Variants in PARD3B observed in about 807,000 individuals in gnomAD.
The protein encoded by PARD3B is par-3 family cell polarity regulator beta, also known as partitioning defective 3 homolog B.
In PARD3B, 103 loss-of-function variants were observed where a neutral mutation model predicts 130.2. That is an observed-to-expected ratio of 0.79 (90% CI 0.67 to 0.93). The LOEUF is 0.93. PARD3B is among the 40% of genes least tolerant of loss of function. PARD3B has a pLI of 0.00. For synonymous variants in PARD3B, 583 were observed against 553.2 expected, an observed-to-expected ratio of 1.05 and a Z score of -0.76; for missense variants, 1,609 against 1,499.2, an observed-to-expected ratio of 1.07 and a Z score of -1.21.
intron 2 of PARD3B, among the ~76,000 whole-genome samples, chr2:204,687,191 G>T (rs2037126231): frequency 6.6e-6 from 1 of 152,086 alleles, no homozygotes; most frequent in African/African-American, 2.4e-5. Context: ...TTAAACTCAG[G>T]TGAAGTTTAT....
At chr2:205,211,834 C>G (rs538139359) in intron 15 of PARD3B, among the ~76,000 whole-genome samples, 1 of 152,158 alleles carries the variant, frequency 6.6e-6, no homozygotes, top group South Asian at 2.1e-4. Flanking sequence ...ATCCCCAGTC[C>G]CCAAACGCTT....
At chr2:205,484,243 C>A (rs2049353062) in intron 20 of PARD3B, among the ~76,000 whole-genome samples, 1 of 152,168 alleles carries the variant, frequency 6.6e-6, no homozygotes, top group Non-Finnish European at 1.5e-5. Flanking sequence ...TGGTACCTTT[C>A]ATCTGAAAAG....
intron 18 of PARD3B, among the ~76,000 whole-genome samples, chr2:205,349,939 A>T (rs1368543645): frequency 6.6e-6 from 1 of 152,062 alleles, no homozygotes; most frequent in East Asian, 1.9e-4. Flanking sequence ...GTAAACACAC[A>T]ATAAACAGGC....
At chr2:205,099,699 A>C (rs998353713) in intron 4 of PARD3B, among the ~76,000 whole-genome samples, 77 of 152,182 alleles carry the variant, frequency 5.1e-4, no homozygotes, top group African/African-American at 1.9e-3. Context: ...AATTGGCTTT[A>C]TGTCCTTATA....
chr2:205,555,134 T>TA (rs2052822596), intron 22 of PARD3B, among the ~76,000 whole-genome samples: 1 of 151,816 alleles, frequency 6.6e-6, no homozygotes, highest in African/African-American at 2.4e-5. Flanking sequence ...TGAGAGGGAG[T>TA]AAAAAAAGGA....
chr2:204,719,067 CAG>C (rs1287487027), intron 2 of PARD3B, among the ~76,000 whole-genome samples: 2 of 152,144 alleles, frequency 1.3e-5, no homozygotes, highest in Non-Finnish European at 2.9e-5. Flanking sequence ...TTAACCAAAA[CAG>C]ATAATTTTCT....
At chr2:204,583,599 C>T (rs1330101163) in intron 1 of PARD3B, among the ~76,000 whole-genome samples, 1 of 102,616 alleles carries the variant, frequency 9.7e-6, no homozygotes, top group Non-Finnish European at 1.8e-5. Flanking sequence ...ACAATGTGCA[C>T]ATGTACCCTA....
At chr2:204,807,211 T>A (rs1575033480) in intron 2 of PARD3B, among the ~76,000 whole-genome samples, 1 of 152,286 alleles carries the variant, frequency 6.6e-6, no homozygotes. Context: ...GTGGGGATTA[T>A]GGGAGCTACA....
rs1014577633 is a variant in PARD3B, at chr2:205,321,355, AG to A, written c.2630+19655del. ...GAAATAATTTTAGACTTACAGTAAA[AG>A]CTACAAAAAATAGCACAAAGAATTT... On this transcript the variant is annotated intron_variant, in intron 18 of 22. Transcript: ENST00000406610. The surrounding 1 kb of genome is among the most constrained non-coding windows in gnomAD (Gnocchi z 4.2). 9.2e-5 allele frequency among the ~76,000 whole-genome samples: 14 copies of A among 152,274 alleles called. No individual in the cohort carries two copies. The highest frequency in any genetic ancestry group is 3.4e-4 in the African/African-American group (14 of 41,560).
chr2:205,237,255 A>C (rs1193394565), intron 15 of PARD3B, among the ~76,000 whole-genome samples: 1 of 151,988 alleles, frequency 6.6e-6, no homozygotes, highest in Non-Finnish European at 1.5e-5. Flanking sequence ...CTGTACCACC[A>C]CGCCAGGCTA....
At chr2:204,800,426 G>A (rs1361432386) in intron 2 of PARD3B, among the ~76,000 whole-genome samples, 1 of 151,382 alleles carries the variant, frequency 6.6e-6, no homozygotes, top group African/African-American at 2.4e-5. Flanking sequence ...CAAAAAGTCA[G>A]TAGAGAGAGA....
chr2:204,812,294 G>A (rs1181905205), intron 2 of PARD3B, among the ~76,000 whole-genome samples: 1 of 152,142 alleles, frequency 6.6e-6, no homozygotes, highest in Non-Finnish European at 1.5e-5. Flanking sequence ...TGGGTCTGCA[G>A]CAGCTTGATT....
At chr2:204,970,711 T>C (rs969315934) in intron 3 of PARD3B, among the ~76,000 whole-genome samples, 13 of 152,266 alleles carry the variant, frequency 8.5e-5, no homozygotes, top group Admixed American at 5.9e-4. Flanking sequence ...TAAATTATTT[T>C]AGCAATGTAA....
chr2:204,662,882 G>A (rs2035874705), intron 1 of PARD3B, among the ~76,000 whole-genome samples: 1 of 152,072 alleles, frequency 6.6e-6, no homozygotes, highest in Non-Finnish European at 1.5e-5. Flanking sequence ...TGACCTTTTG[G>A]ACTTGAGACC....
chr2:205,178,844 T>C, intron 13 of PARD3B, among the ~76,000 whole-genome samples: 1 of 152,204 alleles, frequency 6.6e-6, no homozygotes, highest in East Asian at 1.9e-4. Context: ...TTAATGGAGC[T>C]GAAAAATTCC....
At chr2:205,206,442 C>A (rs60819889) in intron 15 of PARD3B, among the ~76,000 whole-genome samples, 23,313 of 148,938 alleles carry the variant, frequency 0.16, 2,110 homozygotes, top group African/African-American at 0.25. Flanking sequence ...GTTCAAGTCC[C>A]ACCTATGAGT....
At chr2:204,700,372 T>A (rs1316933143) in intron 2 of PARD3B, among the ~76,000 whole-genome samples, 1 of 152,140 alleles carries the variant, frequency 6.6e-6, no homozygotes, top group East Asian at 1.9e-4. Context: ...AATTTAATTT[T>A]GTACAGTGAA....
At chr2:205,385,533 A>C (rs998757070) in intron 18 of PARD3B, among the ~76,000 whole-genome samples, 10 of 152,274 alleles carry the variant, frequency 6.6e-5, no homozygotes, top group Middle Eastern at 3.4e-3. Flanking sequence ...TCAGTATTCT[A>C]AAAAATATAC....
chr2:205,056,902 T>TAC (rs749596109), intron 4 of PARD3B, among the ~76,000 whole-genome samples: 374 of 141,928 alleles, frequency 2.6e-3, no homozygotes, highest in East Asian at 5.1e-3. Context: ...CACACACACA[T>TAC]ACACACACAC....
Sources: gnomAD v4.1 joint callset for allele counts (sites outside exome capture counted in the v4.1 genomes callset) on GRCh38, gnomAD v4.1.1 for gene constraint, Gnocchi (gnomAD v3.1) non-coding constraint, MANE v1.5 for transcripts, NCBI Gene and HGNC (gene_info 2026-07-23, HGNC 2026-07-21) for gene names.